Variants in PSD2 observed in about 807,000 individuals in gnomAD.
PSD2 encodes the protein pleckstrin and Sec7 domain containing 2, also known as PH and SEC7 domain-containing protein 2.
A neutral mutation model predicts 69.8 loss-of-function variants in PSD2; 38 were observed. The ratio of observed to expected loss-of-function variants is 0.54; its 90% confidence interval spans 0.42 to 0.71. The LOEUF (loss-of-function observed/expected upper bound fraction) is 0.71. Ranked by LOEUF, PSD2 falls within the 30% of genes least tolerant of loss-of-function variation. The pLI is 0.00. For synonymous variants in PSD2, 412 were observed against 423.0 expected, an observed-to-expected ratio of 0.97 and a Z score of 0.32; for missense variants, 943 against 1,014.5, an observed-to-expected ratio of 0.93 and a Z score of 0.96.
the PSD2 span, among the ~76,000 whole-genome samples, chr5:139,790,467 G>A: frequency 1.8e-4 from 27 of 151,958 alleles, no homozygotes; most frequent in Admixed American, 1.6e-3. Flanking sequence ...GGAGAAGACC[G>A]AGGACTGAGC....
At chr5:139,827,152 CCCCACCCACA>C (rs986788740) in intron 7 of PSD2, among the ~76,000 whole-genome samples, 4 of 152,198 alleles carry the variant, frequency 2.6e-5, no homozygotes, top group African/African-American at 9.6e-5. Flanking sequence ...GGTCATTCTT[CCCCACCCACA>C]CCTCATTGCT....
chr5:139,804,220 C>T (rs1759741655), intron 1 of PSD2, among the ~76,000 whole-genome samples: 1 of 152,126 alleles, frequency 6.6e-6, no homozygotes, highest in East Asian at 1.9e-4. Context: ...TCTAGGGAAT[C>T]TTGGGTTGGG....
At chr5:139,770,183 C>T in the PSD2 span, among the ~76,000 whole-genome samples, 136 of 152,300 alleles carry the variant, frequency 8.9e-4, 1 homozygote, top group Non-Finnish European at 1.7e-3. Flanking sequence ...GTAAGAGGAA[C>T]GCTGACAGCC....
chr5:139,831,151 T>C (rs1005396780), intron 7 of PSD2, among the ~76,000 whole-genome samples: 24 of 152,182 alleles, frequency 1.6e-4, no homozygotes, highest in African/African-American at 5.8e-4. Flanking sequence ...TTCTGGCAGA[T>C]TGACCCTTTT....
the PSD2 span, among the ~76,000 whole-genome samples, chr5:139,746,465 G>C: frequency 6.6e-6 from 1 of 152,208 alleles, no homozygotes; most frequent in Admixed American, 6.5e-5. This position sits in a 1 kb window ranked among gnomAD's most constrained non-coding sequence, Gnocchi z 4.5. Context: ...CAGGCTACCT[G>C]GGCCCGCCGA....
chr5:139,797,337 C>T (rs969481368), intron 1 of PSD2, among the ~76,000 whole-genome samples: 7 of 152,202 alleles, frequency 4.6e-5, no homozygotes, highest in Admixed American at 1.3e-4. Context: ...AAGATTCCCA[C>T]GCAGTGGGGT....
chr5:139,825,581 C>A (rs545130594), intron 7 of PSD2, among the ~76,000 whole-genome samples: 24 of 151,058 alleles, frequency 1.6e-4, no homozygotes, highest in Admixed American at 1.5e-3. Flanking sequence ...TCTAACAGGA[C>A]TTGCTGATGG....
At chr5:139,753,797 T>A in the PSD2 span, among the ~76,000 whole-genome samples, 2 of 151,782 alleles carry the variant, frequency 1.3e-5, no homozygotes, top group African/African-American at 4.9e-5. Context: ...GGAAAGGCTA[T>A]ACCTCCCTGT....
At chr5:139,743,333 T>C in the PSD2 span, among the ~76,000 whole-genome samples, 1 of 152,088 alleles carries the variant, frequency 6.6e-6, no homozygotes, top group Non-Finnish European at 1.5e-5. Context: ...CCCTGGAGGG[T>C]TACTGCTTCG....
At chr5:139,751,551 C>T in the PSD2 span, among the ~76,000 whole-genome samples, 1 of 152,216 alleles carries the variant, frequency 6.6e-6, no homozygotes, top group Non-Finnish European at 1.5e-5. Flanking sequence ...TAGACAAACC[C>T]AGGTTCAGAC....
At chr5:139,842,146 A>G in intron 14 of PSD2, 125 bp from the exon 15 acceptor site, 6 of 722,292 alleles carry the variant, frequency 8.3e-6, no homozygotes, top group Non-Finnish European at 1.4e-5. Flanking sequence ...TGGACTGTTC[A>G]TCTTCTTTTT....
At chr5:139,835,615 C>T (rs1263673020) in intron 8 of PSD2, 108 bp from the exon 9 acceptor site, 1 of 1,107,642 alleles carries the variant, frequency 9.0e-7, no homozygotes, top group African/African-American at 1.5e-5. Flanking sequence ...CCACTTTGCC[C>T]CATTGGCTGA....
At chr5:139,781,599 T>G in the PSD2 span, among the ~76,000 whole-genome samples, 1 of 151,686 alleles carries the variant, frequency 6.6e-6, no homozygotes, top group African/African-American at 2.4e-5. Context: ...CTTCCCAAAG[T>G]GCTGGGATTA....
chr5:139,816,817 C>T (rs1760132453), intron 4 of PSD2, among the ~76,000 whole-genome samples: 1 of 152,192 alleles, frequency 6.6e-6, no homozygotes, highest in African/African-American at 2.4e-5. Context: ...GGGCTCAGCC[C>T]CACCCTGAGC....
chr5:139,775,362 A>C, the PSD2 span: 1 of 152,150 alleles, frequency 6.6e-6, no homozygotes, highest in Non-Finnish European at 1.5e-5. Flanking sequence ...GGGAGCTTGG[A>C]GCAGCGGGAA....
the PSD2 span, among the ~76,000 whole-genome samples, chr5:139,784,130 G>C: frequency 4.0e-5 from 6 of 151,404 alleles, 1 homozygote; most frequent in Admixed American, 3.9e-4. Flanking sequence ...TTGCAGAGAG[G>C]GGTTTTGCCA....
chr5:139,788,518 T>TG, the PSD2 span, among the ~76,000 whole-genome samples: 417 of 151,788 alleles, frequency 2.7e-3, no homozygotes, highest in Non-Finnish European at 4.6e-3. Context: ...GGGTAGAGAC[T>TG]GGGGGGGGCA....
upstream of PSD2, among the ~76,000 whole-genome samples, chr5:139,791,533 A>G (rs1581701594): frequency 6.6e-6 from 1 of 152,088 alleles, no homozygotes; most frequent in African/African-American, 2.4e-5. Context: ...TTTATGAAAA[A>G]CCCACAGCTA....
the PSD2 span, among the ~76,000 whole-genome samples, chr5:139,759,840 C>T: frequency 2.0e-5 from 3 of 152,252 alleles, no homozygotes; most frequent in Non-Finnish European, 4.4e-5. Context: ...CTCTCTGGCC[C>T]CTCAAGCCTG....
Sources: allele counts gnomAD v4.1 joint callset (sites outside exome capture counted in the v4.1 genomes callset), GRCh38; gene constraint gnomAD v4.1.1; non-coding constraint Gnocchi (gnomAD v3.1); transcripts MANE v1.5; gene names NCBI Gene and HGNC (gene_info 2026-07-23, HGNC 2026-07-21).